The following SMPD3 variants were observed in gnomAD, a reference collection of about 807,000 sequenced individuals.
SMPD3 encodes sphingomyelin phosphodiesterase 3, also known as nSMase-2.
Under a neutral mutation model 55.7 loss-of-function variants are expected in SMPD3, and 21 were observed. The observed-to-expected ratio is 0.38, with a 90% CI of 0.27 to 0.54. SMPD3 has a LOEUF of 0.54. Ranked by LOEUF, SMPD3 falls within the 20% of genes least tolerant of loss-of-function variation. The pLI is 0.80. For synonymous variants in SMPD3, 457 were observed against 404.3 expected (o/e 1.13, Z -1.56); for missense variants, 842 against 899.6 (o/e 0.94, Z 0.82).
intron 1 of SMPD3, among the ~76,000 whole-genome samples, chr16:68,421,691 A>G (rs1049601731): frequency 6.6e-6 from 1 of 152,250 alleles, no homozygotes; most frequent in Non-Finnish European, 1.5e-5. Flanking sequence ...CTCGGCCTCC[A>G]TTCCTAGCCA....
chr16:68,398,366 C>T (rs2090178225), intron 1 of SMPD3, among the ~76,000 whole-genome samples: 1 of 152,204 alleles, frequency 6.6e-6, no homozygotes, highest in Non-Finnish European at 1.5e-5. Flanking sequence ...CCCTACGTGG[C>T]AGTCCCCGGG....
intron 3 of SMPD3, chr16:68,368,943 T>A (rs1338591418): frequency 6.6e-6 from 1 of 152,058 alleles, no homozygotes; most frequent in Non-Finnish European, 1.5e-5. Context: ...CAAGGCTGGG[T>A]ATGGTGGCTC....
At chr16:68,387,604 G>A (rs150817563) in intron 1 of SMPD3, among the ~76,000 whole-genome samples, 27 of 152,254 alleles carry the variant, frequency 1.8e-4, no homozygotes, top group Middle Eastern at 3.4e-3. Flanking sequence ...TCCGGGGCCC[G>A]CCCCCTGTCT....
At chr16:68,435,621 C>T (rs539320326) in intron 1 of SMPD3, among the ~76,000 whole-genome samples, 2 of 152,310 alleles carry the variant, frequency 1.3e-5, no homozygotes, top group African/African-American at 2.4e-5. Context: ...GGAGGGACAT[C>T]CTGCCAGGGC....
chr16:68,365,156 C>G (rs1385964663), intron 3 of SMPD3, 64 bp from the exon 4 acceptor site: 1 of 1,542,752 alleles, frequency 6.5e-7, no homozygotes, highest in African/African-American at 1.4e-5. Flanking sequence ...GCACAGGACA[C>G]TGGCAGTGCC....
intron 1 of SMPD3, among the ~76,000 whole-genome samples, chr16:68,419,875 C>T (rs1404196690): frequency 6.6e-6 from 1 of 152,260 alleles, no homozygotes; most frequent in East Asian, 1.9e-4. Flanking sequence ...CCACCTATCA[C>T]TAATTGTGGG....
chr16:68,439,954 C>T (rs1202173549), intron 1 of SMPD3, among the ~76,000 whole-genome samples: 5 of 152,138 alleles, frequency 3.3e-5, no homozygotes, highest in Non-Finnish European at 7.3e-5. Context: ...GAGAACAATG[C>T]CCATTTTGCT....
intron 2 of SMPD3, among the ~76,000 whole-genome samples, chr16:68,380,602 A>G (rs1045882363): frequency 2.7e-5 from 4 of 149,032 alleles, no homozygotes; most frequent in Middle Eastern, 3.4e-3. Context: ...CTCTGCCCTC[A>G]GCACCACCTC....
chr16:68,366,594 G>A (rs545529653), intron 3 of SMPD3, among the ~76,000 whole-genome samples: 200 of 152,352 alleles, frequency 1.3e-3, no homozygotes, highest in Non-Finnish European at 2.4e-3. Context: ...GGCTGAGCAC[G>A]GTGGCTCACG....
At chr16:68,413,928 G>A (rs1415692736) in intron 1 of SMPD3, among the ~76,000 whole-genome samples, 1 of 152,210 alleles carries the variant, frequency 6.6e-6, no homozygotes, top group African/African-American at 2.4e-5. Flanking sequence ...GTCTGGGTGG[G>A]TGGACACTCA....
At chr16:68,430,672 CAAAAAACATGG>C (rs2090472340) in intron 1 of SMPD3, among the ~76,000 whole-genome samples, 1 of 152,094 alleles carries the variant, frequency 6.6e-6, no homozygotes. Context: ...TTATAAAAGC[CAAAAAACATGG>C]AAGAGAATTT....
At position 68,371,620 on chromosome 16, in the gene SMPD3, C is replaced by A. The variant is rs757608043; in HGVS notation, c.562G>T (p.Val188Leu). 1.3e-6 allele frequency: 2 copies of A among 1,566,314 alleles called. No homozygotes were observed. Among genetic ancestry groups the A allele is most frequent in the East Asian group, 2.3e-5 (1 of 44,442 alleles). ...ACCCCATCGCCGCCCTGTGGTGACACCAGGCTGCTGAAGCTAGCGGCGCTG... is the reference window on the plus strand; with the variant it reads ...ACCCCATCGCCGCCCTGTGGTGACAACAGGCTGCTGAAGCTAGCGGCGCTG... ...SISAASFSSL[V>L]SPQGGDGVAR... Residue 188 changes from valine to leucine, a missense_variant, in exon 3 of 9, where the codon GTG (valine) becomes TTG (leucine). Physicochemically the swap from Val to Leu is conservative, Grantham distance 32 (BLOSUM62 1). This residue lies in a region of SMPD3 where 193 missense variants were observed against 256.0 expected (regional missense o/e 0.75). Coordinates refer to ENST00000219334, the MANE Select transcript of SMPD3 (RefSeq NM_018667.4).
chr16:68,414,205 G>A (rs1351979464), intron 1 of SMPD3, among the ~76,000 whole-genome samples: 1 of 152,204 alleles, frequency 6.6e-6, no homozygotes, highest in African/African-American at 2.4e-5. Context: ...CATTTTAAAA[G>A]GGCACTTGGA....
intron 1 of SMPD3, among the ~76,000 whole-genome samples, chr16:68,421,420 T>A (rs2090392908): frequency 6.6e-6 from 1 of 152,188 alleles, no homozygotes; most frequent in Non-Finnish European, 1.5e-5. Context: ...TATGTGTGCT[T>A]TGGAATGACA....
intron 5 of SMPD3, among the ~76,000 whole-genome samples, chr16:68,364,094 C>T (rs1337523530): frequency 6.6e-6 from 1 of 152,240 alleles, no homozygotes; most frequent in Non-Finnish European, 1.5e-5. Flanking sequence ...TGATCTTCAG[C>T]ATTCCCTCTG....
At position 68,372,167 on chromosome 16, in the gene SMPD3, C is replaced by T. The variant is rs570199133; in HGVS notation, c.15G>A (p.Thr5=). The change falls in exon 3 of 9, where the codon ACG becomes ACA. Residue 5 remains threonine (T), a synonymous_variant. Coordinates refer to ENST00000219334, the MANE Select transcript of SMPD3 (RefSeq NM_018667.4). MVLY[T]TPFPNSCLSA... ...ACAGACAGCTGTTAGGAAAGGGGGT[C>T]GTGTACAAAACCATCGCAGCTCACT... The T allele has an allele frequency of 3.1e-6, 5 of 1,612,238 alleles. No homozygotes were observed. The highest frequency in any genetic ancestry group is 4.5e-5 in the East Asian group (2 of 44,780).
intron 2 of SMPD3, among the ~76,000 whole-genome samples, chr16:68,373,040 G>A (rs527356116): frequency 7.5e-4 from 115 of 152,322 alleles, no homozygotes; most frequent in Admixed American, 1.4e-3. Flanking sequence ...TCCACTGACC[G>A]CGGGAGAAAC....
intron 1 of SMPD3, among the ~76,000 whole-genome samples, chr16:68,416,302 C>T (rs1254659951): frequency 6.6e-6 from 1 of 152,212 alleles, no homozygotes; most frequent in Non-Finnish European, 1.5e-5. Context: ...TCGCCCTCTT[C>T]CCTGGTCTCC....
intron 1 of SMPD3, among the ~76,000 whole-genome samples, chr16:68,420,141 C>T (rs2090379306): frequency 6.6e-6 from 1 of 152,068 alleles, no homozygotes; most frequent in Non-Finnish European, 1.5e-5. Context: ...ACAGGTTTTG[C>T]CATGTTGGCC....
Sources: allele counts gnomAD v4.1 joint callset (sites outside exome capture counted in the v4.1 genomes callset), GRCh38; gene constraint gnomAD v4.1.1; regional missense constraint gnomAD v4.1.1; transcripts MANE v1.5; gene names NCBI Gene and HGNC (gene_info 2026-07-23, HGNC 2026-07-21).